Variants in RASA1 observed in about 807,000 individuals in gnomAD.
RASA1 encodes the protein RAS p21 protein activator 1.
RASA1 carries 25 observed loss-of-function variants against 132.2 expected under a neutral mutation model. The observed-to-expected ratio is 0.19, with a 90% CI of 0.14 to 0.26. The LOEUF is 0.26. Ranked by LOEUF, RASA1 falls within the 10% of genes least tolerant of loss-of-function variation. The probability of loss-of-function intolerance (pLI) is 1.00; values close to 1 mark genes in which losing one functional copy is unlikely to be tolerated. For synonymous variants in RASA1, 477 were observed against 449.9 expected (o/e 1.06, Z -0.76); for missense variants, 964 against 1,299.2 (o/e 0.74, Z 3.97).
chr5:87,372,092 C>G (rs749739962), intron 12 of RASA1, 26 bp from the exon 13 acceptor site: 2 of 1,603,156 alleles, frequency 1.2e-6, no homozygotes, highest in South Asian at 2.2e-5. Context: ...GTGTATATTT[C>G]TTTGAAGTGC....
At position 87,349,254 on chromosome 5, in the gene RASA1, T is replaced by TA; in HGVS notation, c.1144dup (p.Thr382AsnfsTer13). On this transcript the variant is annotated frameshift_variant, in exon 8 of 25. Transcript: ENST00000274376. LOFTEE classifies it high-confidence loss of function. ...GTTTTCTTGTGAGGCCCTCAGATAA[T>TA]ACTCCTGGCGATTATTCACTTTATT... 6.2e-7 allele frequency: 1 copy of TA among 1,612,152 alleles called. No homozygotes were observed. The highest frequency in any genetic ancestry group is 1.1e-5 in the South Asian group (1 of 91,036).
chr5:87,302,618 C>G (rs954407832), intron 1 of RASA1, among the ~76,000 whole-genome samples: 1 of 150,778 alleles, frequency 6.6e-6, no homozygotes, highest in Non-Finnish European at 1.5e-5. Context: ...GTATAGTATA[C>G]TATACTAAAG....
At chr5:87,383,220 A>C (rs1030262052) in intron 20 of RASA1, among the ~76,000 whole-genome samples, 1 of 152,222 alleles carries the variant, frequency 6.6e-6, no homozygotes, top group African/African-American at 2.4e-5. Flanking sequence ...ATCATCAACA[A>C]AATCAATGCA....
chr5:87,361,707 C>A (rs1445265246), intron 9 of RASA1, among the ~76,000 whole-genome samples: 1 of 152,076 alleles, frequency 6.6e-6, no homozygotes, highest in Non-Finnish European at 1.5e-5. Flanking sequence ...TCCTAAAAAT[C>A]ATAGCATTAT....
chr5:87,390,304 G>A (rs1406474321), intron 24 of RASA1, among the ~76,000 whole-genome samples: 1 of 152,140 alleles, frequency 6.6e-6, no homozygotes, highest in Non-Finnish European at 1.5e-5. Context: ...GATAGTGAAT[G>A]CTGTCACCGC....
intron 8 of RASA1, among the ~76,000 whole-genome samples, chr5:87,351,670 T>C (rs1759288567): frequency 6.6e-6 from 1 of 151,948 alleles, no homozygotes; most frequent in Non-Finnish European, 1.5e-5. Flanking sequence ...TAGAAAATTC[T>C]GGTTTATCTC....
At chr5:87,328,116 A>G (rs781110049) in intron 1 of RASA1, among the ~76,000 whole-genome samples, 1 of 152,210 alleles carries the variant, frequency 6.6e-6, no homozygotes, top group Non-Finnish European at 1.5e-5. Flanking sequence ...TTCTTCTTTC[A>G]TTGGACAAAT....
intron 22 of RASA1, 27 bp downstream of exon 22, chr5:87,385,416 G>A (rs1761996863): frequency 4.0e-6 from 6 of 1,509,732 alleles, no homozygotes; most frequent in Non-Finnish European, 4.6e-6. Flanking sequence ...ACTTTAAAAT[G>A]TAATTTATGA....
chr5:87,379,689 T>C (rs1324241310), intron 18 of RASA1, 46 bp from the exon 19 acceptor site: 2 of 1,601,328 alleles, frequency 1.2e-6, no homozygotes, highest in East Asian at 2.3e-5. Context: ...TCATTTGCAT[T>C]TGTCATTGCC....
chr5:87,342,129 T>C (rs975828735), intron 6 of RASA1, among the ~76,000 whole-genome samples: 4 of 151,968 alleles, frequency 2.6e-5, no homozygotes, highest in Admixed American at 2.6e-4. Flanking sequence ...TCTACCTATA[T>C]CAGGAGTTTC....
chr5:87,305,771 C>T (rs895016122), intron 1 of RASA1, among the ~76,000 whole-genome samples: 2 of 152,160 alleles, frequency 1.3e-5, no homozygotes, highest in Non-Finnish European at 2.9e-5. Flanking sequence ...TCTAGAAGAA[C>T]TTAAAACACA....
In RASA1 at chr5:87,362,768, G is replaced by C. The variant is rs1760212241; in HGVS notation, c.1453+97G>C. 2.1e-6 allele frequency: 3 copies of C among 1,399,250 alleles called. No individual in the cohort carries two copies. In the Admixed American group the frequency reaches 5.3e-5, roughly 25 times the overall value. 86.7% of individuals were successfully genotyped at this position (1,399,250 alleles called of 1,614,324 possible). A position where few individuals can be genotyped will look rare whatever the true frequency, so the allele number is the denominator to read the frequency against. On this transcript the variant is annotated intron_variant, in intron 10 of 24. Coordinates refer to ENST00000274376, the MANE Select transcript of RASA1 (RefSeq NM_002890.3). ...ATATATATTTAATAAGTTTTGACATGAGTTATTAGTAATTGACACTTGTTT... is the reference window on the plus strand; with the variant it reads ...ATATATATTTAATAAGTTTTGACATCAGTTATTAGTAATTGACACTTGTTT...
At chr5:87,370,762 AC>A (rs1760875919) in intron 12 of RASA1, among the ~76,000 whole-genome samples, 1 of 152,168 alleles carries the variant, frequency 6.6e-6, no homozygotes. Context: ...TAACGAAGGA[AC>A]TTAAAGGTGG....
chr5:87,358,358 T>G (rs1759811800), intron 9 of RASA1, among the ~76,000 whole-genome samples: 1 of 152,188 alleles, frequency 6.6e-6, no homozygotes, highest in Non-Finnish European at 1.5e-5. Flanking sequence ...CTCAACAACT[T>G]TACCAAGGTG....
At chr5:87,281,245 T>A (rs1754305193) in intron 1 of RASA1, among the ~76,000 whole-genome samples, 1 of 146,938 alleles carries the variant, frequency 6.8e-6, no homozygotes, top group Non-Finnish European at 1.5e-5. Context: ...TGCCAACACT[T>A]TTTTTTTTTT....
chr5:87,336,392 A>G (rs1757973153), intron 4 of RASA1, among the ~76,000 whole-genome samples: 1 of 152,106 alleles, frequency 6.6e-6, no homozygotes. Context: ...TAGCTGATCT[A>G]GGAAGATGGG....
chr5:87,320,100 C>T (rs1033113010), intron 1 of RASA1, among the ~76,000 whole-genome samples: 1 of 152,104 alleles, frequency 6.6e-6, no homozygotes, highest in Non-Finnish European at 1.5e-5. Flanking sequence ...CAAGAGTGAC[C>T]GTTACTCTGG....
rs139152376 is a variant in RASA1, at chr5:87,300,319, G to T, written c.540-31029G>T. Among the ~76,000 whole-genome samples the T allele has an allele frequency of 1.5e-3, 226 of 152,282 alleles. 2 individuals are homozygous for T. The highest frequency in any genetic ancestry group is 5.2e-3 in the African/African-American group (214 of 41,544). On this transcript the variant is annotated intron_variant, in intron 1 of 24. Transcript: ENST00000274376. ...GTGAGCCCAAGTGGTTGAGCTTGCAGTGAGTTCTGATCTTGCCACTGCACT... is the reference window on the plus strand; with the variant it reads ...GTGAGCCCAAGTGGTTGAGCTTGCATTGAGTTCTGATCTTGCCACTGCACT...
chr5:87,335,137 C>G (rs1005964601), intron 4 of RASA1, among the ~76,000 whole-genome samples: 1 of 152,154 alleles, frequency 6.6e-6, no homozygotes, highest in African/African-American at 2.4e-5. Flanking sequence ...CCGCCTTGGC[C>G]TCCCAAAGTG....
Sources: allele counts gnomAD v4.1 joint callset (sites outside exome capture counted in the v4.1 genomes callset), GRCh38; gene constraint gnomAD v4.1.1; transcripts MANE v1.5; gene names NCBI Gene and HGNC (gene_info 2026-07-23, HGNC 2026-07-21).